Variants in SGCZ observed in about 807,000 individuals in gnomAD.
SGCZ encodes the protein sarcoglycan zeta.
SGCZ carries 40 observed loss-of-function variants against 41.3 expected under a neutral mutation model. The ratio of observed to expected loss-of-function variants is 0.97; its 90% CI spans 0.75 to 1.26. The LOEUF is 1.26. Among genes scored for constraint, SGCZ ranks in the 50% most tolerant of loss-of-function variants. The probability of loss-of-function intolerance (pLI) is 0.00; values close to 1 mark genes in which losing one functional copy is unlikely to be tolerated. For missense variants in SGCZ, 552 were observed against 369.8 expected, an observed-to-expected ratio of 1.49 and a Z score of -4.04; for synonymous variants, 206 against 137.5, an observed-to-expected ratio of 1.50 and a Z score of -3.49.
intron 1 of SGCZ, among the ~76,000 whole-genome samples, chr8:14,970,225 G>C (rs902449388): frequency 1.3e-5 from 2 of 151,990 alleles, no homozygotes; most frequent in African/African-American, 2.4e-5. Context: ...TTATTGTTGA[G>C]TTCTTAGAAC....
chr8:15,052,075 C>T (rs1232714202), intron 1 of SGCZ, among the ~76,000 whole-genome samples: 2 of 152,096 alleles, frequency 1.3e-5, no homozygotes, highest in Admixed American at 6.6e-5. Context: ...GACTGTTCAA[C>T]GTTGAGAAAA....
intron 5 of SGCZ, among the ~76,000 whole-genome samples, chr8:14,148,915 A>G (rs1383235243): frequency 2.0e-5 from 3 of 152,182 alleles, no homozygotes; most frequent in Non-Finnish European, 2.9e-5. Context: ...ACATCAAGTC[A>G]ACAGAATGAA....
chr8:14,373,576 C>T (rs754638596), intron 2 of SGCZ, among the ~76,000 whole-genome samples: 19 of 152,026 alleles, frequency 1.2e-4, no homozygotes, highest in Non-Finnish European at 2.4e-4. Flanking sequence ...AGAAATTAAA[C>T]AAAGTATAGT....
chr8:14,940,700 A>T (rs1800244866), intron 1 of SGCZ, among the ~76,000 whole-genome samples: 1 of 642 alleles, frequency 1.6e-3, no homozygotes, highest in Non-Finnish European at 4.7e-3. Context: ...AGGTAAAGGA[A>T]AAAACAACAA....
At chr8:14,189,225 G>C (rs955994244) in intron 4 of SGCZ, among the ~76,000 whole-genome samples, 2 of 152,034 alleles carry the variant, frequency 1.3e-5, no homozygotes, top group African/African-American at 4.8e-5. Context: ...GCCAATCTTA[G>C]TGGGTAACTC....
At chr8:15,024,105 A>T (rs2130947403) in intron 1 of SGCZ, among the ~76,000 whole-genome samples, 1 of 152,314 alleles carries the variant, frequency 6.6e-6, no homozygotes, top group South Asian at 2.1e-4. Context: ...TGTTATTCAC[A>T]GTGGGGTTTT....
At chr8:14,762,977 T>G (rs1370352530) in intron 1 of SGCZ, among the ~76,000 whole-genome samples, 8 of 152,246 alleles carry the variant, frequency 5.3e-5, no homozygotes, top group Non-Finnish European at 1.2e-4. Context: ...TTCAGCACCC[T>G]GACTTATAAA....
Position 14,464,739 on chromosome 8 carries a change from G to A in SGCZ, c.234+89993C>T, listed in dbSNP as rs534228705. Among the ~76,000 whole-genome samples, 9 of 150,882 alleles carry A rather than the reference G, an allele frequency of 6.0e-5. No homozygotes were observed. The East Asian group carries it at 9.7e-4, about 16-fold the overall frequency. On this transcript the variant is annotated intron_variant, in intron 2 of 7. Transcript: ENST00000382080. The stretch of plus-strand genomic sequence containing the variant: ...TTTAAACATTTATAACTATAAATAC[G>A]CCATGTAACACTGATTTTGGTGTAT...
chr8:14,708,762 C>T (rs1231966356), intron 1 of SGCZ, among the ~76,000 whole-genome samples: 1 of 151,118 alleles, frequency 6.6e-6, no homozygotes, highest in Non-Finnish European at 1.5e-5. Context: ...GAACAAGATT[C>T]TATATGATAT....
intron 1 of SGCZ, among the ~76,000 whole-genome samples, chr8:14,857,613 C>T (rs2130670428): frequency 6.6e-6 from 1 of 152,296 alleles, no homozygotes; most frequent in East Asian, 1.9e-4. Flanking sequence ...CCCGTAATCC[C>T]AGCACTTTGC....
At chr8:15,000,797 G>A (rs1318945666) in intron 1 of SGCZ, among the ~76,000 whole-genome samples, 2 of 152,180 alleles carry the variant, frequency 1.3e-5, no homozygotes, top group East Asian at 3.9e-4. Flanking sequence ...AAAATCTGCT[G>A]CAGTCCGCCA....
chr8:15,170,420 G>GA (rs1397110566), intron 1 of SGCZ, among the ~76,000 whole-genome samples: 3 of 152,108 alleles, frequency 2.0e-5, no homozygotes, highest in African/African-American at 7.2e-5. Flanking sequence ...ACATCTAATA[G>GA]AAAAATGGAT....
chr8:14,536,720 G>C (rs1415241917), intron 2 of SGCZ, among the ~76,000 whole-genome samples: 1 of 151,822 alleles, frequency 6.6e-6, no homozygotes, highest in Non-Finnish European at 1.5e-5. Context: ...CCATGTATAA[G>C]TGTAGAAGAT....
chr8:14,551,596 ATT>A (rs1397142020), intron 2 of SGCZ, among the ~76,000 whole-genome samples: 3 of 45,508 alleles, frequency 6.6e-5, no homozygotes, highest in East Asian at 8.4e-4. Flanking sequence ...TATAATATAT[ATT>A]ATATATATTA....
At chr8:14,721,230 T>C (rs1809877028) in intron 1 of SGCZ, among the ~76,000 whole-genome samples, 1 of 152,192 alleles carries the variant, frequency 6.6e-6, no homozygotes, top group Non-Finnish European at 1.5e-5. Context: ...TCTAGTTCCA[T>C]GGTTTTAAAT....
At chr8:14,551,790 T>A (rs1307512524) in intron 2 of SGCZ, among the ~76,000 whole-genome samples, 1 of 147,798 alleles carries the variant, frequency 6.8e-6, no homozygotes, top group Non-Finnish European at 1.5e-5. Flanking sequence ...AGTAGAATAA[T>A]TTTATTTTCT....
chr8:14,226,539 T>C (rs1323762669), intron 4 of SGCZ, among the ~76,000 whole-genome samples: 2 of 152,134 alleles, frequency 1.3e-5, no homozygotes, highest in Non-Finnish European at 2.9e-5. Context: ...CAATAGCTTT[T>C]TTAAAAAATT....
intron 1 of SGCZ, among the ~76,000 whole-genome samples, chr8:14,603,748 A>G (rs544861640): frequency 6.6e-6 from 1 of 152,292 alleles, no homozygotes; most frequent in African/African-American, 2.4e-5. Context: ...AGTAAAATAA[A>G]GTTGCTGCTT....
At chr8:14,542,719 T>C (rs1360034969) in intron 2 of SGCZ, among the ~76,000 whole-genome samples, 1 of 152,108 alleles carries the variant, frequency 6.6e-6, no homozygotes, top group East Asian at 1.9e-4. Context: ...TAGAAACTTT[T>C]GCAGTGTTTT....
Sources: gnomAD v4.1 joint callset for allele counts (sites outside exome capture counted in the v4.1 genomes callset) on GRCh38, gnomAD v4.1.1 for gene constraint, MANE v1.5 for transcripts, NCBI Gene and HGNC (gene_info 2026-07-23, HGNC 2026-07-21) for gene names.